Variants in NDUFAF6 observed in about 807,000 individuals in gnomAD.
NDUFAF6 encodes the protein NADH:ubiquinone oxidoreductase complex assembly factor 6.
Under a neutral mutation model 40.8 loss-of-function variants are expected in NDUFAF6, and 45 were observed. The observed-to-expected ratio is 1.10, with a 90% CI of 0.87 to 1.42. The LOEUF is 1.42. NDUFAF6 is among the 40% of genes most tolerant of loss of function. The pLI, the probability that NDUFAF6 is intolerant of heterozygous loss-of-function variation, is 0.00. For missense variants in NDUFAF6, 435 were observed against 418.5 expected, an observed-to-expected ratio of 1.04 and a Z score of -0.34; for synonymous variants, 185 against 155.9, an observed-to-expected ratio of 1.19 and a Z score of -1.39.
intron 1 of NDUFAF6, among the ~76,000 whole-genome samples, chr8:94,913,850 G>A (rs1818943994): frequency 6.6e-6 from 1 of 152,084 alleles, no homozygotes; most frequent in African/African-American, 2.4e-5. Flanking sequence ...GGAGTGCTGT[G>A]GCGCGATCTC....
At chr8:94,900,868 C>A (rs890202680) in intron 1 of NDUFAF6, among the ~76,000 whole-genome samples, 6 of 152,102 alleles carry the variant, frequency 3.9e-5, no homozygotes, top group Non-Finnish European at 7.4e-5. Context: ...GAGGAGGTGA[C>A]ATTTTATTTA....
intron 3 of NDUFAF6, chr8:95,036,448 C>T (rs1223181690): frequency 9.3e-6 from 12 of 1,289,420 alleles, no homozygotes; most frequent in Non-Finnish European, 1.2e-5. Flanking sequence ...GATGGAAAGC[C>T]AGAACCCCCC....
intron 1 of NDUFAF6, among the ~76,000 whole-genome samples, chr8:94,944,482 G>T (rs1474025789): frequency 6.6e-6 from 1 of 152,198 alleles, no homozygotes; most frequent in Admixed American, 6.5e-5. Context: ...CTTCTCTGGA[G>T]GAGCTTTCTA....
At chr8:94,963,840 G>A (rs72679211) in intron 1 of NDUFAF6, among the ~76,000 whole-genome samples, 1 of 152,346 alleles carries the variant, frequency 6.6e-6, no homozygotes, top group Non-Finnish European at 1.5e-5. Flanking sequence ...GAAGACAGGT[G>A]GAGGCCTGCT....
At chr8:95,042,530 A>T in intron 4 of NDUFAF6, among the ~76,000 whole-genome samples, 1 of 152,164 alleles carries the variant, frequency 6.6e-6, no homozygotes. Flanking sequence ...TGGCTTTTGA[A>T]GGGGGGGATA....
At chr8:94,945,353 G>GA (rs943157376) in intron 1 of NDUFAF6, 1 of 152,012 alleles carries the variant, frequency 6.6e-6, no homozygotes, top group African/African-American at 2.4e-5. Context: ...ATTACATGTT[G>GA]AAAAAATAAT....
chr8:94,940,915 A>C (rs1821468248), intron 1 of NDUFAF6: 2 of 1,613,766 alleles, frequency 1.2e-6, no homozygotes, highest in East Asian at 4.5e-5. Context: ...CTTCACCCAC[A>C]AACATTTTAT....
chr8:94,956,700 G>A (rs142091427), upstream of NDUFAF6, among the ~76,000 whole-genome samples: 1 of 152,270 alleles, frequency 6.6e-6, no homozygotes, highest in East Asian at 1.9e-4. Context: ...GAGGATGGAG[G>A]GTGGGGTTAG....
intron 1 of NDUFAF6, among the ~76,000 whole-genome samples, chr8:94,977,376 T>C (rs1216113724): frequency 6.6e-6 from 1 of 151,530 alleles, no homozygotes; most frequent in Non-Finnish European, 1.5e-5. Context: ...TAGCTGGGTG[T>C]GGTGGCACAC....
At chr8:95,107,700 A>G (rs1193083824), downstream of NDUFAF6, among the ~76,000 whole-genome samples, 3 of 152,242 alleles carry the variant, frequency 2.0e-5, no homozygotes, top group Non-Finnish European at 2.9e-5. Flanking sequence ...AGCTATTATT[A>G]AAAAGTGTTT....
At chr8:94,958,342 G>A (rs891661252) in intron 1 of NDUFAF6, among the ~76,000 whole-genome samples, 2 of 151,990 alleles carry the variant, frequency 1.3e-5, no homozygotes, top group Admixed American at 6.6e-5. Flanking sequence ...TTCTGCTGAG[G>A]CCTCTCTCCT....
intron 1 of NDUFAF6, among the ~76,000 whole-genome samples, chr8:94,911,536 G>C (rs1818779260): frequency 6.6e-6 from 1 of 152,252 alleles, no homozygotes; most frequent in East Asian, 1.9e-4. Flanking sequence ...GACTTCCAAA[G>C]AGGTGGATTA....
chr8:94,914,492 C>T (rs951481174), intron 1 of NDUFAF6, among the ~76,000 whole-genome samples: 2 of 152,086 alleles, frequency 1.3e-5, no homozygotes, highest in Non-Finnish European at 2.9e-5. Context: ...CTCATGTGGC[C>T]AACAATAGTG....
At chr8:94,904,146 T>G (rs540042512) in intron 1 of NDUFAF6, among the ~76,000 whole-genome samples, 3,684 of 151,450 alleles carry the variant, frequency 0.024, 125 homozygotes, top group African/African-American at 0.083. Context: ...GGTTTTTTTG[T>G]TTTTTGGTTT....
intron 2 of NDUFAF6, among the ~76,000 whole-genome samples, chr8:95,007,351 A>G (rs1827037362): frequency 6.6e-6 from 1 of 152,158 alleles, no homozygotes; most frequent in South Asian, 2.1e-4. Flanking sequence ...CAATAAGGAT[A>G]TAGTTAAAAT....
chr8:94,931,524 T>C (rs1433298942), intron 1 of NDUFAF6, among the ~76,000 whole-genome samples: 1 of 152,058 alleles, frequency 6.6e-6, no homozygotes, highest in African/African-American at 2.4e-5. Context: ...TAAGAGTTAT[T>C]TTACACAGGA....
intron 1 of NDUFAF6, among the ~76,000 whole-genome samples, chr8:94,936,645 T>A (rs1350905928): frequency 6.6e-6 from 1 of 152,114 alleles, no homozygotes; most frequent in African/African-American, 2.4e-5. Flanking sequence ...AATGAAAACC[T>A]GGACTTTTAA....
At chr8:95,064,065 G>GTTTTTTTTT (rs1369326100) in intron 9 of NDUFAF6, among the ~76,000 whole-genome samples, 6 of 131,984 alleles carry the variant, frequency 4.5e-5, no homozygotes, top group Non-Finnish European at 6.3e-5. Context: ...TTTTTTTTTG[G>GTTTTTTTTT]ATTTTTACTA....
chr8:94,916,836 C>T (rs1411608952), intron 1 of NDUFAF6, among the ~76,000 whole-genome samples: 12 of 136,860 alleles, frequency 8.8e-5, no homozygotes, highest in East Asian at 4.5e-4. Flanking sequence ...AAAAAAAGGC[C>T]GGGCGCGGTG....
Sources: allele counts gnomAD v4.1 joint callset (sites outside exome capture counted in the v4.1 genomes callset), GRCh38; gene constraint gnomAD v4.1.1; transcripts MANE v1.5; gene names NCBI Gene and HGNC (gene_info 2026-07-23, HGNC 2026-07-21).